Variants in ATRNL1 observed in about 807,000 individuals in gnomAD.
The protein encoded by ATRNL1 is attractin-like protein 1.
Under a neutral mutation model 182.7 loss-of-function variants are expected in ATRNL1, and 95 were observed. That is an observed-to-expected ratio of 0.52 (90% CI 0.44 to 0.62). The LOEUF (loss-of-function observed/expected upper bound fraction) is 0.62. Ranked by LOEUF, ATRNL1 falls within the 20% of genes least tolerant of loss-of-function variation. The probability of loss-of-function intolerance (pLI) is 0.00; values close to 1 mark genes in which losing one functional copy is unlikely to be tolerated. For synonymous variants in ATRNL1, 576 were observed against 568.3 expected (o/e 1.01, Z -0.19); for missense variants, 1,471 against 1,679.5 (o/e 0.88, Z 2.17).
chr10:115,401,661 T>C (rs1399221444), intron 20 of ATRNL1, among the ~76,000 whole-genome samples: 6 of 152,260 alleles, frequency 3.9e-5, no homozygotes, highest in African/African-American at 1.4e-4. Context: ...AATGTATACA[T>C]TCTGTTTCTG....
intron 19 of ATRNL1, among the ~76,000 whole-genome samples, chr10:115,377,674 C>T (rs1554949921): frequency 1.3e-5 from 2 of 152,166 alleles, no homozygotes; most frequent in South Asian, 2.1e-4. Flanking sequence ...CTCTTCCAGT[C>T]CTTACAAAAT....
chr10:115,879,261 C>A (rs77029646), intron 28 of ATRNL1, among the ~76,000 whole-genome samples: 2,021 of 141,942 alleles, frequency 0.014, 49 homozygotes, highest in African/African-American at 0.051. Context: ...GAACCATGAT[C>A]GTGCCACTGC....
chr10:115,259,958 T>C (rs1422758530), intron 10 of ATRNL1, among the ~76,000 whole-genome samples: 1 of 152,206 alleles, frequency 6.6e-6, no homozygotes, highest in Admixed American at 6.5e-5. Context: ...ACAGCACAAA[T>C]GTCTATCAAA....
chr10:115,166,513 A>T (rs77411427), intron 7 of ATRNL1, among the ~76,000 whole-genome samples: 2,234 of 150,850 alleles, frequency 0.015, 43 homozygotes, highest in African/African-American at 0.051. Context: ...GCACCATTTT[A>T]CATTTCCACC....
intron 28 of ATRNL1, among the ~76,000 whole-genome samples, chr10:115,903,182 A>G (rs941838987): frequency 2.0e-5 from 3 of 152,188 alleles, no homozygotes; most frequent in Admixed American, 2.0e-4. Context: ...CTAGCTCTCC[A>G]TGCTGTATAT....
intron 28 of ATRNL1, among the ~76,000 whole-genome samples, chr10:115,859,831 G>A (rs1164020919): frequency 6.6e-6 from 1 of 152,256 alleles, no homozygotes; most frequent in East Asian, 1.9e-4. Flanking sequence ...CAGTAAAAAT[G>A]TAATTCTATA....
chr10:115,390,951 A>G (rs1469385686), intron 19 of ATRNL1, among the ~76,000 whole-genome samples: 5 of 151,988 alleles, frequency 3.3e-5, no homozygotes, highest in African/African-American at 9.7e-5. Flanking sequence ...CAGTTAGTTC[A>G]TTGTTAGTGT....
At chr10:115,681,076 A>G (rs1037315366) in intron 26 of ATRNL1, among the ~76,000 whole-genome samples, 4 of 152,150 alleles carry the variant, frequency 2.6e-5, no homozygotes, top group Non-Finnish European at 4.4e-5. Context: ...AATTTACATT[A>G]CGTACCTCTT....
chr10:115,134,485 GA>G (rs1554876108), intron 5 of ATRNL1, among the ~76,000 whole-genome samples: 2 of 152,082 alleles, frequency 1.3e-5, no homozygotes, highest in Admixed American at 6.6e-5. Context: ...GACTAACCAG[GA>G]AGAAGTTGAA....
chr10:115,770,579 T>G (rs1948965335), intron 27 of ATRNL1, among the ~76,000 whole-genome samples: 1 of 152,170 alleles, frequency 6.6e-6, no homozygotes, highest in Non-Finnish European at 1.5e-5. Context: ...TAAATGTCCA[T>G]TACTCACACA....
intron 24 of ATRNL1, among the ~76,000 whole-genome samples, chr10:115,481,541 C>T (rs1035060813): frequency 6.6e-6 from 1 of 150,672 alleles, no homozygotes; most frequent in African/African-American, 2.4e-5. Flanking sequence ...TGTTGAATTT[C>T]ATACAGTAGG....
chr10:115,150,672 T>A (rs1444505719), intron 5 of ATRNL1, among the ~76,000 whole-genome samples: 6 of 152,160 alleles, frequency 3.9e-5, no homozygotes, highest in Non-Finnish European at 8.8e-5. Context: ...ATTTCTAGTT[T>A]TATTTCATTG....
chr10:115,657,967 A>G (rs1303839479), intron 26 of ATRNL1, among the ~76,000 whole-genome samples: 1 of 151,780 alleles, frequency 6.6e-6, no homozygotes, highest in African/African-American at 2.4e-5. Flanking sequence ...CTTACCAAAT[A>G]TATTCTCATA....
At chr10:115,773,883 G>T (rs527962750) in intron 27 of ATRNL1, among the ~76,000 whole-genome samples, 2 of 152,252 alleles carry the variant, frequency 1.3e-5, no homozygotes, top group South Asian at 4.1e-4. Context: ...TTAACTATTT[G>T]TTCCTATCTC....
At chr10:115,431,401 T>TAA (rs3981285) in intron 21 of ATRNL1, among the ~76,000 whole-genome samples, 5 of 110,830 alleles carry the variant, frequency 4.5e-5, no homozygotes, top group African/African-American at 9.2e-5. Context: ...AGAGTGAAAC[T>TAA]AAAAAAAAAA....
At position 115,469,272 on chromosome 10, in the gene ATRNL1, T is replaced by C. The variant is rs1554971622; in HGVS notation, c.3597T>C (p.Asn1199=). The C allele has an allele frequency of 2.0e-6, 3 of 1,535,162 alleles. No homozygotes were observed. Among genetic ancestry groups the C allele is most frequent in the African/African-American group, 1.4e-5 (1 of 69,922 alleles). ...ATGAAAAATTTAACTTTAGAAGCAA[T>C]CCTAACATTACATTCTATGTGTACG... The part of the protein sequence containing the change: ...FSYEKFNFRS[N]PNITFYVYVS... Residue 1199 remains asparagine, a synonymous_variant, in exon 24 of 29, where the codon AAT becomes AAC. Coordinates refer to ENST00000355044, the MANE Select transcript of ATRNL1 (RefSeq NM_207303.4).
chr10:115,456,802 C>T (rs937759963), intron 21 of ATRNL1, among the ~76,000 whole-genome samples: 4 of 151,990 alleles, frequency 2.6e-5, no homozygotes, highest in African/African-American at 4.8e-5. Context: ...GAAAAACATA[C>T]GAATATACTG....
intron 28 of ATRNL1, among the ~76,000 whole-genome samples, chr10:115,880,969 GT>G (rs1344043841): frequency 6.6e-6 from 1 of 152,148 alleles, no homozygotes; most frequent in Non-Finnish European, 1.5e-5. Flanking sequence ...TTAACATTCT[GT>G]GAGTGTCTGA....
At chr10:115,673,722 T>C (rs1565272630) in intron 26 of ATRNL1, among the ~76,000 whole-genome samples, 1 of 152,114 alleles carries the variant, frequency 6.6e-6, no homozygotes, top group Admixed American at 6.6e-5. Context: ...TCTTCTGTAA[T>C]GTGACTTTGC....
Sources: allele counts gnomAD v4.1 joint callset (sites outside exome capture counted in the v4.1 genomes callset), GRCh38; gene constraint gnomAD v4.1.1; transcripts MANE v1.5; gene names NCBI Gene and HGNC (gene_info 2026-07-23, HGNC 2026-07-21).